WDFY4: variants seen among roughly 807,000 people sequenced by gnomAD.
WDFY4 encodes WD repeat- and FYVE domain-containing protein 4.
Under a neutral mutation model 351.9 loss-of-function variants are expected in WDFY4, and 169 were observed. That is an observed-to-expected ratio of 0.48 (90% CI 0.42 to 0.55). The LOEUF (loss-of-function observed/expected upper bound fraction) is 0.55, where lower values mean the gene tolerates loss of function less well. WDFY4 is among the 20% of genes least tolerant of loss of function. The pLI is 0.00. For missense variants in WDFY4, 3,803 were observed against 3,935.6 expected, an observed-to-expected ratio of 0.97 and a Z score of 0.90; for synonymous variants, 1,622 against 1,574.6, an observed-to-expected ratio of 1.03 and a Z score of -0.71.
At chr10:48,823,399 A>G (rs1336921833) in intron 35 of WDFY4, 2 of 1,214,214 alleles carry the variant, frequency 1.6e-6, no homozygotes, top group East Asian at 1.1e-4. Flanking sequence ...CAGAATTAGG[A>G]GGACCACTCT....
intron 39 of WDFY4, among the ~76,000 whole-genome samples, chr10:48,837,822 C>A: frequency 6.6e-6 from 1 of 152,184 alleles, no homozygotes; most frequent in Non-Finnish European, 1.5e-5. Context: ...GGATTTCAGC[C>A]CACTTTCCTC....
intron 46 of WDFY4, among the ~76,000 whole-genome samples, chr10:48,901,537 A>G (rs1005115206): frequency 8.5e-5 from 13 of 152,330 alleles, no homozygotes; most frequent in African/African-American, 3.1e-4. Flanking sequence ...CCTGGCCCAG[A>G]GGCGGTACCT....
At chr10:48,755,627 T>C (rs1230050887) in intron 12 of WDFY4, among the ~76,000 whole-genome samples, 2 of 152,308 alleles carry the variant, frequency 1.3e-5, no homozygotes, top group East Asian at 3.9e-4. Context: ...TTATCTTTTT[T>C]TCCATTGAAT....
intron 32 of WDFY4, among the ~76,000 whole-genome samples, chr10:48,819,288 T>C (rs934978953): frequency 6.6e-6 from 1 of 152,194 alleles, no homozygotes; most frequent in Non-Finnish European, 1.5e-5. Context: ...GCCTTTGTTG[T>C]ATAGAAAACA....
intron 13 of WDFY4, among the ~76,000 whole-genome samples, chr10:48,769,928 C>A (rs11101469): frequency 0.45 from 68,185 of 152,076 alleles, 15,459 homozygotes; most frequent in Middle Eastern, 0.63. Context: ...CGCTGGCCAA[C>A]CTGGTGACCC....
intron 52 of WDFY4, 140 bp from the exon 53 acceptor site, chr10:48,959,582 A>G: frequency 1.3e-6 from 1 of 760,820 alleles, no homozygotes; most frequent in Non-Finnish European, 2.2e-6. Context: ...GAAGATTGAA[A>G]GCAGCATGGT....
intron 1 of WDFY4, among the ~76,000 whole-genome samples, chr10:48,698,798 C>T (rs2063400325): frequency 6.6e-6 from 1 of 152,154 alleles, no homozygotes; most frequent in African/African-American, 2.4e-5. Context: ...CGCCGAGGCT[C>T]TCCAGAGAAA....
intron 39 of WDFY4, among the ~76,000 whole-genome samples, chr10:48,834,698 A>T (rs986754644): frequency 1.3e-5 from 2 of 152,144 alleles, no homozygotes; most frequent in Non-Finnish European, 2.9e-5. Context: ...GGAGGTCAGG[A>T]CAGCCTGGCT....
At chr10:48,833,062 G>A (rs1004601592) in intron 39 of WDFY4, among the ~76,000 whole-genome samples, 1 of 152,022 alleles carries the variant, frequency 6.6e-6, no homozygotes, top group African/African-American at 2.4e-5. Context: ...TTACTGTGTG[G>A]GGCAGACCCG....
At chr10:48,758,496 G>T (rs559571998) in intron 12 of WDFY4, among the ~76,000 whole-genome samples, 23 of 152,232 alleles carry the variant, frequency 1.5e-4, no homozygotes, top group African/African-American at 5.3e-4. Flanking sequence ...CTTCTCAAAC[G>T]TTTTTTCTTT....
intron 39 of WDFY4, among the ~76,000 whole-genome samples, chr10:48,850,206 TC>T (rs2068910887): frequency 6.6e-6 from 1 of 152,234 alleles, no homozygotes; most frequent in South Asian, 2.1e-4. Context: ...TACTTTGGAA[TC>T]AAGTCACTAA....
chr10:48,855,967 T>A (rs1205653588), intron 39 of WDFY4, among the ~76,000 whole-genome samples: 1 of 152,174 alleles, frequency 6.6e-6, no homozygotes, highest in Non-Finnish European at 1.5e-5. Context: ...TATATAGGGT[T>A]CAGTACTATC....
Position 48,847,921 on chromosome 10 carries a change from G to A in WDFY4, c.6663+15212G>A, listed in dbSNP as rs2068831418. ...AACAAGAGATGAATTGCACTGTGGT[G>A]GTCTGGTCCCTCTTCACCCGCTCGG... On this transcript the variant is annotated intron_variant, in intron 39 of 61. Coordinates refer to ENST00000325239, the MANE Select transcript of WDFY4 (RefSeq NM_001394531.1). 2.0e-5 allele frequency among the ~76,000 whole-genome samples: 3 copies of A among 152,238 alleles called. No homozygotes were observed. In the South Asian group the frequency reaches 6.2e-4, roughly 32 times the overall value.
At chr10:48,913,956 T>TCTCCTGTTC (rs758169821) in intron 47 of WDFY4, 1 of 1,613,892 alleles carries the variant, frequency 6.2e-7, no homozygotes, top group South Asian at 1.1e-5. Flanking sequence ...GGAGATGGAG[T>TCTCCTGTTC]CAGGGATCTT....
At chr10:48,686,786 T>C (rs1170793105) in intron 1 of WDFY4, among the ~76,000 whole-genome samples, 1 of 152,092 alleles carries the variant, frequency 6.6e-6, no homozygotes, top group South Asian at 2.1e-4. Flanking sequence ...ATTTCAAGAG[T>C]TTATTTTTTT....
chr10:48,898,933 C>T (rs1267487115), intron 45 of WDFY4, among the ~76,000 whole-genome samples: 11 of 151,146 alleles, frequency 7.3e-5, no homozygotes, highest in African/African-American at 2.2e-4. Context: ...AGCGGGAGGC[C>T]GTGTCCTGCC....
intron 50 of WDFY4, 35 bp from the exon 51 acceptor site, chr10:48,946,825 A>G: frequency 6.7e-7 from 1 of 1,485,844 alleles, no homozygotes; most frequent in Non-Finnish European, 9.2e-7. Context: ...AGTGCAGGTA[A>G]GGAAGCAGCC....
chr10:48,913,392 C>T (rs750584707), intron 47 of WDFY4: 9 of 1,609,684 alleles, frequency 5.6e-6, no homozygotes, highest in Non-Finnish European at 5.9e-6. Context: ...TCCAAGTCAC[C>T]TCCAGTCTTC....
At chr10:48,806,396 C>A (rs73310039) in intron 27 of WDFY4, among the ~76,000 whole-genome samples, 2 of 152,156 alleles carry the variant, frequency 1.3e-5, no homozygotes, top group African/African-American at 2.4e-5. Context: ...GTTGAACCCC[C>A]ACTACCCCTT....
Sources: allele counts gnomAD v4.1 joint callset (sites outside exome capture counted in the v4.1 genomes callset), GRCh38; gene constraint gnomAD v4.1.1; transcripts MANE v1.5; gene names NCBI Gene and HGNC (gene_info 2026-07-23, HGNC 2026-07-21).